PCDHGA12: variants seen among roughly 807,000 people sequenced by gnomAD.
PCDHGA12 encodes the protein protocadherin gamma subfamily A, 12, also known as protocadherin gamma-A12.
A neutral mutation model predicts 61.1 loss-of-function variants in PCDHGA12; 43 were observed. The observed-to-expected ratio is 0.70, with a 90% CI of 0.55 to 0.91. The LOEUF (loss-of-function observed/expected upper bound fraction) is 0.91. Among genes scored for constraint, PCDHGA12 ranks in the 40% least tolerant of loss-of-function variants. The pLI, the probability that PCDHGA12 is intolerant of heterozygous loss-of-function variation, is 0.00. For missense variants in PCDHGA12, 1,236 were observed against 1,227.7 expected (o/e 1.01, Z -0.10); for synonymous variants, 520 against 542.9 (o/e 0.96, Z 0.59).
intron 3 of PCDHGA12, 152 bp from the exon 4 acceptor site, chr5:141,510,795 G>C (rs994874330): frequency 9.3e-5 from 136 of 1,465,100 alleles, no homozygotes; most frequent in Admixed American, 1.7e-4. Flanking sequence ...CTTGTGAAGA[G>C]AGACTACCTT....
chr5:141,463,596 C>T (rs922480221), intron 1 of PCDHGA12, among the ~76,000 whole-genome samples: 5 of 151,874 alleles, frequency 3.3e-5, no homozygotes, highest in Admixed American at 2.0e-4. Flanking sequence ...CTACAGGTGC[C>T]TGCCACCATG....
chr5:141,449,943 C>G (rs1561937416), intron 1 of PCDHGA12, among the ~76,000 whole-genome samples: 1 of 151,186 alleles, frequency 6.6e-6, no homozygotes, highest in African/African-American at 2.4e-5. Flanking sequence ...GTATATTTTA[C>G]TATACCTCAT....
At position 141,476,396 on chromosome 5, in the gene PCDHGA12, C is replaced by A; in HGVS notation, c.2425-18411C>A. The A allele has an allele frequency of 6.2e-7, 1 of 1,614,032 alleles. No homozygotes were observed. Among genetic ancestry groups the A allele is most frequent in the Non-Finnish European group, 8.5e-7 (1 of 1,180,020 alleles). Reference sequence around the variant, plus strand: ...GATGTTTGTGAACGACCGTCTGGATCGAGAGGAGCTGTGTGGGACACTGCC... The same window carrying A: ...GATGTTTGTGAACGACCGTCTGGATAGAGAGGAGCTGTGTGGGACACTGCC... On this transcript the variant is annotated intron_variant, in intron 1 of 3. Transcript: ENST00000252085. The surrounding 1 kb of genome is among the most constrained non-coding windows in gnomAD (Gnocchi z 7.6).
chr5:141,433,149 C>A lies in PCDHGA12; in HGVS notation c.2390C>A (p.Ser797Ter), dbSNP rs758972664. The stretch of plus-strand genomic sequence containing the variant: ...GAGCCCCTTTTGCTGTCAGGTGATT[C>A]GGTATTTTCTAAAGACAGTCATGGG... ...KSEPLLLSGD[S>*]VFSKDSHGLI... Residue 797 changes from serine (S) to a stop codon, truncating the protein, a stop_gained, in exon 1 of 4, where the codon TCG becomes TAG. Coordinates refer to ENST00000252085, the MANE Select transcript of PCDHGA12 (RefSeq NM_003735.3). LOFTEE classifies it high-confidence loss of function. 1.2e-6 allele frequency: 2 copies of A among 1,613,856 alleles called. No homozygotes were observed. Among genetic ancestry groups the A allele is most frequent in the Non-Finnish European group, 1.7e-6 (2 of 1,179,980 alleles).
At position 141,487,276 on chromosome 5, in the gene PCDHGA12, C is replaced by G; in HGVS notation, c.2425-7531C>G. On this transcript the variant is annotated intron_variant, in intron 1 of 3. Coordinates refer to ENST00000252085, the MANE Select transcript of PCDHGA12 (RefSeq NM_003735.3). The surrounding 1 kb of genome is among the most constrained non-coding windows in gnomAD (Gnocchi z 5.0). ...TGGCTGTGTCCCTAGTGGCAATTTG[C>G]TTTGTCTCCTTTGGCTCATTCGTGG... 1 of 1,614,158 alleles carries G rather than the reference C, an allele frequency of 6.2e-7. No homozygotes were observed. The highest frequency in any genetic ancestry group is 1.1e-5 in the South Asian group (1 of 91,082).
At chr5:141,494,638 A>G (rs2099755799) in intron 1 of PCDHGA12, 169 bp from the exon 2 acceptor site, 1 of 896,388 alleles carries the variant, frequency 1.1e-6, no homozygotes, top group African/African-American at 1.8e-5. Context: ...GACCTCTGAG[A>G]CCTGAGGTGT....
Position 141,476,209 on chromosome 5 carries a change from G to T in PCDHGA12, c.2425-18598G>T, listed in dbSNP as rs749576231. On this transcript the variant is annotated intron_variant, in intron 1 of 3. Coordinates refer to ENST00000252085, the MANE Select transcript of PCDHGA12 (RefSeq NM_003735.3). The surrounding 1 kb of genome is among the most constrained non-coding windows in gnomAD (Gnocchi z 7.6). ...TTGGTGCCTTGAACAAGGCTTCCAC[G>T]GTCATTCACTATGAGATCCCGGAGG... The T allele has an allele frequency of 6.2e-6, 10 of 1,613,974 alleles. No individual in the cohort carries two copies. Among genetic ancestry groups the T allele is most frequent in the Non-Finnish European group, 8.5e-6 (10 of 1,180,026 alleles).
intron 2 of PCDHGA12, 58 bp downstream of exon 2, chr5:141,494,923 G>T: frequency 6.2e-7 from 1 of 1,613,698 alleles, no homozygotes; most frequent in Non-Finnish European, 8.5e-7. Context: ...CAGGGATGAC[G>T]TGGGAGGAGA....
At chr5:141,450,653 A>AT (rs2098689237) in intron 1 of PCDHGA12, among the ~76,000 whole-genome samples, 1 of 151,192 alleles carries the variant, frequency 6.6e-6, no homozygotes, top group Non-Finnish European at 1.5e-5. Context: ...TGCCTGGCTA[A>AT]TTTTTGTACT....
intron 1 of PCDHGA12, chr5:141,478,028 G>A (rs2099428840): frequency 6.2e-7 from 1 of 1,614,060 alleles, no homozygotes; most frequent in South Asian, 1.1e-5. Flanking sequence ...CCAAGACACA[G>A]ATTCACCCAG....
rs369794418 is a variant in PCDHGA12, at chr5:141,497,143, G to A, written c.2483+2278G>A. Among the ~76,000 whole-genome samples the A allele has an allele frequency of 7.3e-5, 11 of 150,108 alleles. No individual in the cohort carries two copies. In the East Asian group the frequency reaches 1.6e-3, roughly 21 times the overall value. On this transcript the variant is annotated intron_variant, in intron 2 of 3. Coordinates refer to ENST00000252085, the MANE Select transcript of PCDHGA12 (RefSeq NM_003735.3). ...AGAGGTTGCAGTGAGCTGAGATCAC[G>A]AAAAAAAAATAATCTAGCCACAAAT...
chr5:141,472,230 C>T (rs1274096264), intron 1 of PCDHGA12, among the ~76,000 whole-genome samples: 1 of 152,116 alleles, frequency 6.6e-6, no homozygotes, highest in Non-Finnish European at 1.5e-5. Flanking sequence ...TCATATAATA[C>T]ATTCACTTTC....
intron 1 of PCDHGA12, among the ~76,000 whole-genome samples, chr5:141,447,082 T>A (rs1259827606): frequency 6.6e-6 from 1 of 152,156 alleles, no homozygotes; most frequent in Non-Finnish European, 1.5e-5. Flanking sequence ...ATTTTTGTTG[T>A]TTAATTTTCT....
At position 141,490,960 on chromosome 5, in the gene PCDHGA12, T is replaced by G. The variant is rs1384140919; in HGVS notation, c.2425-3847T>G. 1.9e-6 allele frequency: 3 copies of G among 1,613,794 alleles called. No individual in the cohort carries two copies. In the Admixed American group the frequency reaches 5.0e-5, roughly 27 times the overall value. On this transcript the variant is annotated intron_variant, in intron 1 of 3. Transcript: ENST00000252085. The surrounding 1 kb of genome is among the most constrained non-coding windows in gnomAD (Gnocchi z 5.4). ...GCACCCACGGCCAGACTGGGAACAC[T>G]CAGCCCCCCAGCGTCTCCCTCGCTC...
rs1456451105 is a variant in PCDHGA12 at position 141,477,377 on chromosome 5, C to T, written c.2425-17430C>T. Reference sequence around the variant, plus strand: ...TGCAGACCTGGATCGGGAGACTGTGCCAGAATACAACCTCAGCATCACCGC... The same window carrying T: ...TGCAGACCTGGATCGGGAGACTGTGTCAGAATACAACCTCAGCATCACCGC... On this transcript the variant is annotated intron_variant, in intron 1 of 3. Coordinates refer to ENST00000252085, the MANE Select transcript of PCDHGA12 (RefSeq NM_003735.3). This position sits in a 1 kb window ranked among gnomAD's most constrained non-coding sequence, Gnocchi z 4.9. 1 of 1,614,144 alleles carries T rather than the reference C, an allele frequency of 6.2e-7. No homozygotes were observed. Among genetic ancestry groups the T allele is most frequent in the South Asian group, 1.1e-5 (1 of 91,080 alleles).
At position 141,486,996 on chromosome 5, in the gene PCDHGA12, A is replaced by G; in HGVS notation, c.2425-7811A>G. ...TCAGGTTACAATGCTTGGGTTTCCT[A>G]TCAGCTCCTGGAGGCCCCAGATCCC... On this transcript the variant is annotated intron_variant, in intron 1 of 3. Coordinates refer to ENST00000252085, the MANE Select transcript of PCDHGA12 (RefSeq NM_003735.3). This position sits in a 1 kb window ranked among gnomAD's most constrained non-coding sequence, Gnocchi z 5.0. 6.2e-7 allele frequency: 1 copy of G among 1,614,152 alleles called. No individual in the cohort carries two copies. Among genetic ancestry groups the G allele is most frequent in the Non-Finnish European group, 8.5e-7 (1 of 1,180,032 alleles).
chr5:141,434,948 T>C (rs1486185815), intron 1 of PCDHGA12, among the ~76,000 whole-genome samples: 1 of 151,828 alleles, frequency 6.6e-6, no homozygotes, highest in East Asian at 1.9e-4. Flanking sequence ...ATATAATTTA[T>C]TAACAATTTA....
chr5:141,501,715 C>G lies in PCDHGA12; in HGVS notation c.2484-3678C>G, dbSNP rs139761188. On this transcript the variant is annotated intron_variant, in intron 2 of 3. Coordinates refer to ENST00000252085, the MANE Select transcript of PCDHGA12 (RefSeq NM_003735.3). ...AGGGTGATTCCGAGGATAAAAAAGA[C>G]AAATATATTACCCAGTCAGCTTAGA... 1.3e-3 allele frequency among the ~76,000 whole-genome samples: 192 copies of G among 152,192 alleles called. 1 individual carries two copies. The highest frequency in any genetic ancestry group is 4.5e-3 in the African/African-American group (185 of 41,512).
chr5:141,451,813 G>A (rs921877961), intron 1 of PCDHGA12, among the ~76,000 whole-genome samples: 13 of 150,788 alleles, frequency 8.6e-5, no homozygotes, highest in East Asian at 2.0e-4. Context: ...CCCAGGAGGC[G>A]GAGGTTACAG....
Sources: gnomAD v4.1 joint callset for allele counts (sites outside exome capture counted in the v4.1 genomes callset) on GRCh38, gnomAD v4.1.1 for gene constraint, Gnocchi (gnomAD v3.1) non-coding constraint, MANE v1.5 for transcripts, NCBI Gene and HGNC (gene_info 2026-07-23, HGNC 2026-07-21) for gene names.